ATRNL1: variants seen among roughly 807,000 people sequenced by gnomAD.
The protein encoded by ATRNL1 is attractin like 1.
In ATRNL1, 95 loss-of-function variants were observed where a neutral mutation model predicts 182.7. The ratio of observed to expected loss-of-function variants is 0.52; its 90% CI spans 0.44 to 0.62. The LOEUF (loss-of-function observed/expected upper bound fraction) is 0.62, where lower values mean the gene tolerates loss of function less well. Among genes scored for constraint, ATRNL1 ranks in the 20% least tolerant of loss-of-function variants. ATRNL1 has a pLI of 0.00. For synonymous variants in ATRNL1, 576 were observed against 568.3 expected (o/e 1.01, Z -0.19); for missense variants, 1,471 against 1,679.5 (o/e 0.88, Z 2.17).
chr10:115,527,145 G>A (rs1303769656), intron 25 of ATRNL1, among the ~76,000 whole-genome samples: 2 of 149,948 alleles, frequency 1.3e-5, no homozygotes, highest in African/African-American at 4.9e-5. Flanking sequence ...CCCGAGATAG[G>A]GTCTCACTCT....
intron 24 of ATRNL1, among the ~76,000 whole-genome samples, chr10:115,515,862 A>G (rs116487856): frequency 0.012 from 1,784 of 151,936 alleles, 30 homozygotes; most frequent in African/African-American, 0.04. Flanking sequence ...ATCAACCACT[A>G]CTTTCTTCTT....
At chr10:115,877,875 C>T (rs570055411) in intron 28 of ATRNL1, among the ~76,000 whole-genome samples, 3 of 152,294 alleles carry the variant, frequency 2.0e-5, no homozygotes, top group East Asian at 1.9e-4. Flanking sequence ...TCCTAAGCAC[C>T]GTGCTAGGCA....
chr10:115,812,937 A>G (rs1589540766), intron 27 of ATRNL1, among the ~76,000 whole-genome samples: 1 of 134,910 alleles, frequency 7.4e-6, no homozygotes, highest in Non-Finnish European at 1.5e-5. Flanking sequence ...AATTAATATC[A>G]ATATTAATTA....
chr10:115,377,888 C>T (rs1206319745), intron 19 of ATRNL1, among the ~76,000 whole-genome samples: 9 of 152,196 alleles, frequency 5.9e-5, no homozygotes, highest in Non-Finnish European at 5.9e-5. Context: ...GGACTGCACT[C>T]TCTCCAGGAC....
Position 115,155,976 on chromosome 10 carries a change from TACAGACCAG to T in ATRNL1, c.830-4060_830-4052del, listed in dbSNP as rs1846495660. ...TTAAAAATTCTTATAATTAGTAAGA[TACAGACCAG>T]ACACCAATCAAAATGGATGGTGGCC... is the stretch of plus-strand genomic sequence containing the variant. On this transcript the variant is annotated intron_variant, in intron 5 of 28. Coordinates refer to ENST00000355044, the MANE Select transcript of ATRNL1 (RefSeq NM_207303.4). Among the ~76,000 whole-genome samples the T allele has an allele frequency of 2.0e-5, 3 of 152,160 alleles. No individual in the cohort carries two copies. The South Asian group carries it at 6.2e-4, about 32-fold the overall frequency.
chr10:115,111,941 G>A (rs1341643313), intron 1 of ATRNL1, among the ~76,000 whole-genome samples: 2 of 152,102 alleles, frequency 1.3e-5, no homozygotes, highest in African/African-American at 2.4e-5. Flanking sequence ...TAGGACAACA[G>A]TAGTGGAAGA....
At chr10:115,723,578 C>T (rs904204433) in intron 26 of ATRNL1, among the ~76,000 whole-genome samples, 3 of 94,022 alleles carry the variant, frequency 3.2e-5, no homozygotes, top group South Asian at 4.3e-4. Context: ...GACGGAGTTT[C>T]GCTCTTGTTA....
At chr10:115,242,888 A>G (rs1163382674) in intron 10 of ATRNL1, among the ~76,000 whole-genome samples, 1 of 152,034 alleles carries the variant, frequency 6.6e-6, no homozygotes, top group Non-Finnish European at 1.5e-5. Context: ...GGATTGTCTC[A>G]GCTTTTAGGA....
chr10:115,537,024 G>T (rs1554990644), intron 25 of ATRNL1, among the ~76,000 whole-genome samples: 1 of 152,184 alleles, frequency 6.6e-6, no homozygotes. Context: ...GACACCTGAA[G>T]ATATGGATTT....
chr10:115,678,511 C>T (rs1945941518), intron 26 of ATRNL1, among the ~76,000 whole-genome samples: 1 of 152,056 alleles, frequency 6.6e-6, no homozygotes, highest in Admixed American at 6.6e-5. Context: ...CCACTTTGCT[C>T]ATTAGGAAAA....
At chr10:115,434,849 T>G (rs1554964565) in intron 21 of ATRNL1, among the ~76,000 whole-genome samples, 1 of 152,136 alleles carries the variant, frequency 6.6e-6, no homozygotes, top group Non-Finnish European at 1.5e-5. Context: ...TAACTCTAAC[T>G]GCATCCACTG....
chr10:115,331,788 A>G (rs1313871870), intron 18 of ATRNL1, among the ~76,000 whole-genome samples: 1 of 152,050 alleles, frequency 6.6e-6, no homozygotes, highest in African/African-American at 2.4e-5. Context: ...AGGTGCTCTG[A>G]GCCCAGCTTT....
At chr10:115,723,960 A>T (rs1947515749) in intron 26 of ATRNL1, among the ~76,000 whole-genome samples, 1 of 152,174 alleles carries the variant, frequency 6.6e-6, no homozygotes, top group African/African-American at 2.4e-5. Flanking sequence ...TTTAATTTTT[A>T]AATTTTCTTC....
intron 15 of ATRNL1, among the ~76,000 whole-genome samples, chr10:115,293,625 T>G (rs1554921660): frequency 2.0e-5 from 3 of 152,348 alleles, no homozygotes; most frequent in Non-Finnish European, 4.4e-5. Context: ...TTAGGCTCCT[T>G]TGAGCATTTA....
At chr10:115,826,348 C>T (rs1019150) in intron 27 of ATRNL1, among the ~76,000 whole-genome samples, 68,830 of 151,758 alleles carry the variant, frequency 0.45, 17,480 homozygotes, top group East Asian at 0.68. Flanking sequence ...CATAGCTTGG[C>T]GGGAGGGAGT....
At chr10:115,137,392 A>G (rs2143786392) in intron 5 of ATRNL1, among the ~76,000 whole-genome samples, 1 of 152,342 alleles carries the variant, frequency 6.6e-6, no homozygotes, top group Middle Eastern at 3.4e-3. Flanking sequence ...CAAATTTCTC[A>G]TGCTGCCTTG....
At chr10:115,349,655 A>G (rs1163636332) in intron 19 of ATRNL1, among the ~76,000 whole-genome samples, 1 of 152,140 alleles carries the variant, frequency 6.6e-6, no homozygotes, top group African/African-American at 2.4e-5. Flanking sequence ...TTTTGGATAA[A>G]AGCCATTTTA....
intron 28 of ATRNL1, among the ~76,000 whole-genome samples, chr10:115,852,475 A>G (rs1484390186): frequency 6.6e-6 from 1 of 152,024 alleles, no homozygotes; most frequent in African/African-American, 2.4e-5. Flanking sequence ...CAGGCATTAT[A>G]TTAAGCGCTT....
In ATRNL1 at chr10:115,789,391, G is replaced by T. The variant is rs1949472010; in HGVS notation, c.3904-58486G>T. ...GTCTGCTGTCAAGAAAAATGAAAAAGCCTGAATCGCTGCATCTCCTGACAC... is the reference window on the plus strand; with the variant it reads ...GTCTGCTGTCAAGAAAAATGAAAAATCCTGAATCGCTGCATCTCCTGACAC... On this transcript the variant is annotated intron_variant, in intron 27 of 28. Transcript: ENST00000355044. 2.0e-5 allele frequency among the ~76,000 whole-genome samples: 3 copies of T among 152,138 alleles called. No individual in the cohort carries two copies. The South Asian group carries it at 6.2e-4, about 32-fold the overall frequency.
Sources: allele counts gnomAD v4.1 joint callset (sites outside exome capture counted in the v4.1 genomes callset), GRCh38; gene constraint gnomAD v4.1.1; transcripts MANE v1.5; gene names NCBI Gene and HGNC (gene_info 2026-07-23, HGNC 2026-07-21).